The following PPM1E variants were observed in gnomAD, a reference collection of about 807,000 sequenced individuals.
The protein encoded by PPM1E is protein phosphatase, Mg2+/Mn2+ dependent 1E, also known as protein phosphatase 1E.
A neutral mutation model predicts 65.9 loss-of-function variants in PPM1E; 20 were observed. That is an observed-to-expected ratio of 0.30 (90% CI 0.21 to 0.44). The LOEUF is 0.44. Ranked by LOEUF, PPM1E falls within the 20% of genes least tolerant of loss-of-function variation. The probability of loss-of-function intolerance (pLI) is 1.00; values close to 1 mark genes in which losing one functional copy is unlikely to be tolerated. For missense variants in PPM1E, 713 were observed against 953.1 expected (o/e 0.75, Z 3.32); for synonymous variants, 352 against 374.9 (o/e 0.94, Z 0.70).
At chr17:58,786,620 G>T (rs1840352475) in intron 1 of PPM1E, among the ~76,000 whole-genome samples, 1 of 152,092 alleles carries the variant, frequency 6.6e-6, no homozygotes, top group Non-Finnish European at 1.5e-5. Flanking sequence ...TAAAACTTAT[G>T]AATTGTTTAT....
chr17:58,808,982 A>C (rs1216771273), intron 1 of PPM1E, among the ~76,000 whole-genome samples: 1 of 152,218 alleles, frequency 6.6e-6, no homozygotes, highest in Non-Finnish European at 1.5e-5. Flanking sequence ...GGATTGTTTT[A>C]AAACAAGTCT....
intron 1 of PPM1E, among the ~76,000 whole-genome samples, chr17:58,914,524 TG>T (rs2051663551): frequency 6.6e-6 from 1 of 152,206 alleles, no homozygotes; most frequent in Non-Finnish European, 1.5e-5. Context: ...ACTGGGGTTA[TG>T]GGCTTCTGGA....
At chr17:58,780,166 A>C (rs2050037369) in intron 1 of PPM1E, among the ~76,000 whole-genome samples, 1 of 152,206 alleles carries the variant, frequency 6.6e-6, no homozygotes, top group African/African-American at 2.4e-5. Flanking sequence ...AAATTCTTCA[A>C]CTTATCCTTC....
intron 1 of PPM1E, among the ~76,000 whole-genome samples, chr17:58,792,279 T>C (rs2050163701): frequency 6.7e-6 from 1 of 148,396 alleles, no homozygotes; most frequent in Non-Finnish European, 1.5e-5. Context: ...TATTACTATA[T>C]GATATTATAT....
chr17:58,960,845 T>C (rs1170768040), intron 2 of PPM1E, among the ~76,000 whole-genome samples: 1 of 150,766 alleles, frequency 6.6e-6, no homozygotes, highest in Non-Finnish European at 1.5e-5. Context: ...AGGAATAAAG[T>C]GATTAAGAAA....
chr17:58,960,726 A>C (rs940556420), intron 2 of PPM1E, among the ~76,000 whole-genome samples: 25 of 150,880 alleles, frequency 1.7e-4, no homozygotes, highest in Non-Finnish European at 2.5e-4. Context: ...AGATCACGCC[A>C]CTGCACTCCA....
chr17:58,883,527 A>C (rs1394547656), intron 1 of PPM1E, among the ~76,000 whole-genome samples: 3 of 123,862 alleles, frequency 2.4e-5, no homozygotes, highest in Non-Finnish European at 3.2e-5. Flanking sequence ...TCTGTCGCCC[A>C]GGCTGGAGTG....
chr17:58,874,388 T>C (rs2051106537), intron 1 of PPM1E, among the ~76,000 whole-genome samples: 1 of 152,194 alleles, frequency 6.6e-6, no homozygotes, highest in South Asian at 2.1e-4. Context: ...TATCTTCTAA[T>C]CTCTCACTAC....
chr17:58,800,723 T>G (rs1186617423), intron 1 of PPM1E, among the ~76,000 whole-genome samples: 1 of 152,194 alleles, frequency 6.6e-6, no homozygotes, highest in Non-Finnish European at 1.5e-5. Flanking sequence ...TTTATAATAG[T>G]CTTTTATTAT....
At chr17:58,805,100 A>C (rs1300824540) in intron 1 of PPM1E, among the ~76,000 whole-genome samples, 1 of 151,754 alleles carries the variant, frequency 6.6e-6, no homozygotes, top group African/African-American at 2.4e-5. Context: ...ACTTTTTAAA[A>C]TTTTTATTTT....
intron 1 of PPM1E, among the ~76,000 whole-genome samples, chr17:58,787,923 A>G (rs910423442): frequency 3.3e-5 from 5 of 149,358 alleles, no homozygotes; most frequent in African/African-American, 7.3e-5. Context: ...AAAAAAAAAG[A>G]AAAGAAAGAA....
At chr17:58,765,975 A>C (rs1378348705) in intron 1 of PPM1E, among the ~76,000 whole-genome samples, 2 of 133,398 alleles carry the variant, frequency 1.5e-5, no homozygotes, top group Admixed American at 1.5e-4. Context: ...CCGCCTCCCA[A>C]GTTCAAGCGA....
At chr17:58,842,437 T>G (rs1311382889) in intron 1 of PPM1E, among the ~76,000 whole-genome samples, 1 of 152,166 alleles carries the variant, frequency 6.6e-6, no homozygotes, top group Non-Finnish European at 1.5e-5. Flanking sequence ...CTGTTAATAA[T>G]AGGGGAAAAT....
intron 1 of PPM1E, among the ~76,000 whole-genome samples, chr17:58,917,172 T>A (rs571417355): frequency 4.0e-4 from 60 of 149,700 alleles, no homozygotes; most frequent in African/African-American, 1.4e-3. Context: ...ATTGCACCAC[T>A]GCACTCCAGC....
intron 1 of PPM1E, among the ~76,000 whole-genome samples, chr17:58,799,799 C>T (rs1049580007): frequency 2.6e-5 from 4 of 152,030 alleles, no homozygotes; most frequent in African/African-American, 9.7e-5. Context: ...AGGCTGGTCT[C>T]CAACTCCTGA....
Position 58,756,465 on chromosome 17 carries a change from A to T in PPM1E, c.464+4A>T. 1 of 1,290,074 alleles carries T rather than the reference A, an allele frequency of 7.8e-7. No individual in the cohort carries two copies. Among genetic ancestry groups the T allele is most frequent in the South Asian group, 3.1e-5 (1 of 32,058 alleles). The allele number at this position is 1,290,074 out of a possible 1,614,324, so 79.9% of individuals were successfully genotyped here. ...GCCTGCAGCAGCTCTACAAATAGTT[A>T]AGTAGCTGGGCTTGGCTGGTGGTGG... is the stretch of plus-strand genomic sequence containing the variant. On this transcript the variant is annotated splice_donor_region_variant and intron_variant, in intron 1 of 6. Transcript: ENST00000308249.
intron 3 of PPM1E, among the ~76,000 whole-genome samples, chr17:58,969,141 T>C (rs932593252): frequency 6.6e-6 from 1 of 152,226 alleles, no homozygotes; most frequent in African/African-American, 2.4e-5. Flanking sequence ...ACTTTCATTT[T>C]GAAAAAAATC....
At chr17:58,920,940 A>G (rs748373173) in intron 1 of PPM1E, among the ~76,000 whole-genome samples, 7 of 152,228 alleles carry the variant, frequency 4.6e-5, no homozygotes, top group Non-Finnish European at 8.8e-5. Context: ...GAAGCATCTA[A>G]TGAAGTAGAA....
At chr17:58,830,581 C>T (rs1296155276) in intron 1 of PPM1E, among the ~76,000 whole-genome samples, 2 of 152,096 alleles carry the variant, frequency 1.3e-5, no homozygotes, top group Non-Finnish European at 2.9e-5. Context: ...GCTGGGATTA[C>T]AGGTGTGAAC....
Sources: allele counts gnomAD v4.1 joint callset (sites outside exome capture counted in the v4.1 genomes callset), GRCh38; gene constraint gnomAD v4.1.1; transcripts MANE v1.5; gene names NCBI Gene and HGNC (gene_info 2026-07-23, HGNC 2026-07-21).